The following PKD1 variants were observed in gnomAD, a reference collection of about 807,000 sequenced individuals.
The protein encoded by PKD1 is polycystin-1.
A neutral mutation model predicts 361.7 loss-of-function variants in PKD1; 81 were observed. The observed-to-expected ratio is 0.22, with a 90% confidence interval of 0.19 to 0.27. PKD1 has a LOEUF of 0.27. PKD1 is among the 10% of genes least tolerant of loss of function. The probability of loss-of-function intolerance (pLI) is 1.00; values close to 1 mark genes in which losing one functional copy is unlikely to be tolerated. For missense variants in PKD1, 6,399 were observed against 6,118.3 expected (o/e 1.05, Z -1.53); for synonymous variants, 3,615 against 2,818.3 (o/e 1.28, Z -8.95).
rs1395980770 is a variant in PKD1, at chr16:2,107,498, G to C, written c.7065+385C>G. ...ACAGCAGCAGGAGCAGCCACCACGG[G>C]CTCAGGGTCACCAAGCCTCCTGGCC... On this transcript the variant is annotated intron_variant, in intron 16 of 45. Coordinates refer to ENST00000262304, the MANE Select transcript of PKD1 (RefSeq NM_001009944.3). 1.0e-5 allele frequency: 4 copies of C among 385,022 alleles called. No homozygotes were observed. The East Asian group carries it at 2.5e-4, about 24-fold the overall frequency. The allele number at this position is 385,022 out of a possible 1,614,324, so 23.9% of individuals were successfully genotyped here.
rs755883195 is a variant in PKD1 at position 2,100,001 on chromosome 16, G to A, written c.9783C>T (p.His3261=). 4 of 1,568,840 alleles carry A rather than the reference G, an allele frequency of 2.5e-6. No homozygotes were observed. The highest frequency in any genetic ancestry group is 1.9e-5 in the Admixed American group (1 of 53,100). The change falls in exon 29 of 46, where the codon CAC becomes CAT. Residue 3261 remains histidine (H), a synonymous_variant. Coordinates refer to ENST00000262304, the MANE Select transcript of PKD1 (RefSeq NM_001009944.3). The surrounding 1 kb of genome is among the most constrained non-coding windows in gnomAD (Gnocchi z 4.4). The stretch of plus-strand genomic sequence containing the variant: ...GCCGGTCCCATATGGAGAGCCAGAT[G>A]TGCTTGTCAAAGAAGCCACGCTGCA... The part of the protein sequence containing the change: ...AELQRGFFDK[H]IWLSIWDRPP...
chr16:2,099,396 G>C (rs559694712), intron 30 of PKD1: 5 of 567,944 alleles, frequency 8.8e-6, no homozygotes, highest in Non-Finnish European at 1.6e-5. Context: ...CTGGCGTGCT[G>C]CTGTGCAGTC....
At position 2,090,402 on chromosome 16, in the gene PKD1, G is replaced by C. The variant is rs1204993626; in HGVS notation, c.12327C>G (p.Arg4109=). ...ACAGCTCTCCACGCAAGGCGTGGTA[G>C]CGCCAGCGGAGAATAACAGCCCCCA... ...LRLGAVILRW[R]YHALRGELYR... is the part of the protein sequence containing the mutation. Residue 4109 remains arginine, a synonymous_variant, in exon 45 of 46, where the codon CGC becomes CGG. Transcript: ENST00000262304. The C allele has an allele frequency of 3.1e-6, 5 of 1,612,564 alleles. No homozygotes were observed. The South Asian group carries it at 3.3e-5, about 11-fold the overall frequency.
chr16:2,122,821 C>A (rs1250802220), intron 1 of PKD1, among the ~76,000 whole-genome samples: 1 of 152,192 alleles, frequency 6.6e-6, no homozygotes, highest in African/African-American at 2.4e-5. Context: ...TGAACACAGG[C>A]AGGCCCCCTG....
Position 2,111,488 on chromosome 16 carries a change from C to A in PKD1, c.3679G>T (p.Ala1227Ser), listed in dbSNP as rs150710956. Reference protein sequence around the residue: ...VDMSLAVEQGAPVVVSAAVQT... With the variant: ...VDMSLAVEQGSPVVVSAAVQT... Reference sequence around the variant, plus strand: ...ACCGCGGCGCTGACCACCACGGGGGCGCCCTGCTCCACGGCCAGGCTCATG... The same window carrying A: ...ACCGCGGCGCTGACCACCACGGGGGAGCCCTGCTCCACGGCCAGGCTCATG... Residue 1227 changes from alanine to serine, a missense_variant, in exon 15 of 46, where the codon GCC (alanine) becomes TCC (serine). Transcript: ENST00000262304. 5.9e-4 allele frequency: 952 copies of A among 1,611,214 alleles called. 2 individuals are homozygous for A. Among genetic ancestry groups the A allele is most frequent in the Non-Finnish European group, 6.7e-4 (793 of 1,179,350 alleles).
At position 2,100,051 on chromosome 16, in the gene PKD1, A is replaced by C. The variant is rs1487596694; in HGVS notation, c.9733T>G (p.Phe3245Val). 3 of 1,593,636 alleles carry C rather than the reference A, an allele frequency of 1.9e-6. No individual in the cohort carries two copies. The highest frequency in any genetic ancestry group is 3.5e-5 in the Admixed American group (2 of 56,584). ...LAASDAALLR[F>V]RRLLVAELQR... ...AGCTCAGCCACCAGCAGGCGCCGGA[A>C]GCGCAAAAGGGCTGCGTCGCCTAGA... Residue 3245 changes from phenylalanine to valine, a missense_variant, in exon 29 of 46, where the codon TTC (phenylalanine) becomes GTC (valine). Coordinates refer to ENST00000262304, the MANE Select transcript of PKD1 (RefSeq NM_001009944.3). The surrounding 1 kb of genome is among the most constrained non-coding windows in gnomAD (Gnocchi z 4.4).
intron 43 of PKD1, 37 bp from the exon 44 acceptor site, chr16:2,090,845 G>C: frequency 6.2e-7 from 1 of 1,610,422 alleles, no homozygotes. Context: ...CAGCCCTGGG[G>C]TGTGCGCCCA....
In PKD1 at chr16:2,117,773, T is replaced by C; in HGVS notation, c.1201+18A>G. Reference sequence around the variant, plus strand: ...GGATGGCCCTGGGGAGGAAGGGGAGTGGGCAGCAGACACTCACCTCGGGCC... The same window carrying C: ...GGATGGCCCTGGGGAGGAAGGGGAGCGGGCAGCAGACACTCACCTCGGGCC... On this transcript the variant is annotated intron_variant, in intron 5 of 45. Coordinates refer to ENST00000262304, the MANE Select transcript of PKD1 (RefSeq NM_001009944.3). The C allele has an allele frequency of 9.4e-7, 1 of 1,058,432 alleles. No individual in the cohort carries two copies. The highest frequency in any genetic ancestry group is 1.4e-6 in the Non-Finnish European group (1 of 700,642). 65.6% of individuals were successfully genotyped at this position (1,058,432 alleles called of 1,614,324 possible).
In PKD1 at chr16:2,119,321, C is replaced by T. The variant is rs1032918097; in HGVS notation, c.273G>A (p.Ser91=). 13 of 1,308,878 alleles carry T rather than the reference C, an allele frequency of 9.9e-6. No homozygotes were observed. The highest frequency in any genetic ancestry group is 7.9e-5 in the Admixed American group (4 of 50,760). The allele number at this position is 1,308,878 out of a possible 1,614,324, so 81.1% of individuals were successfully genotyped here. Residue 91 remains serine (S), a synonymous_variant, in exon 2 of 46, where the codon TCG becomes TCA. Coordinates refer to ENST00000262304, the MANE Select transcript of PKD1 (RefSeq NM_001009944.3). ...GGGACACTCACAGCTCTGCCAGCGC[C>T]GAGAGGTTCGCCAGGAGCCCAACGT... is the stretch of plus-strand genomic sequence containing the variant. ...ALDVGLLANL[S]ALAELDISNN... is the part of the protein sequence containing the mutation.
At chr16:2,133,246 G>T (rs969937853) in intron 1 of PKD1, 1 of 149,038 alleles carries the variant, frequency 6.7e-6, no homozygotes, top group African/African-American at 2.5e-5. Context: ...TTTGCAGTAC[G>T]CCATCTTTTC....
At position 2,093,521 on chromosome 16, in the gene PKD1, G is replaced by A. The variant is rs764675017; in HGVS notation, c.11016+23C>T. 19 of 1,579,718 alleles carry A rather than the reference G, an allele frequency of 1.2e-5. No homozygotes were observed. In the Admixed American group the frequency reaches 2.5e-4, roughly 21 times the overall value. ...GAGACAAGAGACGGAGGTGGCAGGGGCACAGGCCGCACCCAGGCTCACCCG... is the reference window on the plus strand; with the variant it reads ...GAGACAAGAGACGGAGGTGGCAGGGACACAGGCCGCACCCAGGCTCACCCG... On this transcript the variant is annotated intron_variant, in intron 37 of 45. Coordinates refer to ENST00000262304, the MANE Select transcript of PKD1 (RefSeq NM_001009944.3).
At chr16:2,094,582 A>C in intron 34 of PKD1, 3 of 348,992 alleles carry the variant, frequency 8.6e-6, no homozygotes, top group Non-Finnish European at 1.1e-5. Flanking sequence ...CATCTCTACA[A>C]TCTAGAGACG....
At position 2,116,868 on chromosome 16, in the gene PKD1, G is replaced by A. The variant is rs1474279745; in HGVS notation, c.1571C>T (p.Ala524Val). 11 of 1,531,446 alleles carry A rather than the reference G, an allele frequency of 7.2e-6. No individual in the cohort carries two copies. The highest frequency in any genetic ancestry group is 2.7e-5 in the African/African-American group (2 of 73,056). 94.9% of individuals were successfully genotyped at this position (1,531,446 alleles called of 1,614,324 possible). A position where few individuals can be genotyped will look rare whatever the true frequency, so the allele number is the denominator to read the frequency against. ...TGWCNTDLCSAPHSYVCELQP... is the reference protein window; with the variant it reads ...TGWCNTDLCSVPHSYVCELQP... ...CAGCTCGCAGACGTAGCTGTGCGGC[G>A]CTGAGCACAGGTCGGTGTTACACCA... Residue 524 changes from alanine (A) to valine (V), a missense_variant, in exon 7 of 46, where the codon GCG becomes GTG. Physicochemically the swap from Ala to Val is moderately conservative, Grantham distance 64. Coordinates refer to ENST00000262304, the MANE Select transcript of PKD1 (RefSeq NM_001009944.3).
Position 2,114,493 on chromosome 16 carries a change from C to A in PKD1, c.2530G>T (p.Ala844Ser). 6.3e-7 allele frequency: 1 copy of A among 1,596,380 alleles called. No homozygotes were observed. The highest frequency in any genetic ancestry group is 1.3e-5 in the African/African-American group (1 of 74,974). ...CCAGAGTCCACCTGGAGCACCAAGG[C>A]TGAGCCGTTGGTGGGCACGTAGAGG... ...GRLYVPTNGS[A>S]LVLQVDSGAN... Residue 844 changes from alanine (A) to serine (S), a missense_variant, in exon 11 of 46, where the codon GCC becomes TCC. By Grantham distance (99) the Ala-to-Ser change is moderately conservative. Transcript: ENST00000262304.
At position 2,108,244 on chromosome 16, in the gene PKD1, G is replaced by A. The variant is rs769074670; in HGVS notation, c.6915+8C>T. 14 of 1,594,088 alleles carry A rather than the reference G, an allele frequency of 8.8e-6. No individual in the cohort carries two copies. Among genetic ancestry groups the A allele is most frequent in the East Asian group, 4.5e-5 (2 of 44,562 alleles). On this transcript the variant is annotated splice_region_variant and intron_variant, in intron 15 of 45. Coordinates refer to ENST00000262304, the MANE Select transcript of PKD1 (RefSeq NM_001009944.3). ...GGGGCATGGAGGACGGCCCTGCCAC[G>A]CACTGACCTGTGTCGAAGCCACACA... is the stretch of plus-strand genomic sequence containing the variant.
In PKD1 at chr16:2,108,458, C is replaced by G. The variant is rs776327056; in HGVS notation, c.6709G>C (p.Gly2237Arg). 4 of 1,610,300 alleles carry G rather than the reference C, an allele frequency of 2.5e-6. No individual in the cohort carries two copies. The East Asian group carries it at 6.7e-5, about 27-fold the overall frequency. ...HYCFVFVVSFGDTPLTQSIQA... is the reference protein window; with the variant it reads ...HYCFVFVVSFRDTPLTQSIQA... ...ATGCTCTGTGTCAGTGGCGTGTCCC[C>G]AAATGACACGACAAACACAAAGCAG... is the stretch of plus-strand genomic sequence containing the variant. Residue 2237 changes from glycine (G) to arginine (R), a missense_variant, in exon 15 of 46, where the codon GGG becomes CGG. Transcript: ENST00000262304.
At position 2,112,111 on chromosome 16, in the gene PKD1, G is replaced by C. The variant is rs1221272756; in HGVS notation, c.3295+229C>G. 4.6e-5 allele frequency among the ~76,000 whole-genome samples: 7 copies of C among 152,366 alleles called. No individual in the cohort carries two copies. In the East Asian group the frequency reaches 1.4e-3, roughly 29 times the overall value. On this transcript the variant is annotated intron_variant, in intron 14 of 45. Coordinates refer to ENST00000262304, the MANE Select transcript of PKD1 (RefSeq NM_001009944.3). ...TGCACTCGGGGCAGCAGAGCAGCAA[G>C]AGCCAGGCCCGGGGAGGGCGGGGGG...
At position 2,105,199 on chromosome 16, in the gene PKD1, T is replaced by G. The variant is rs879197199; in HGVS notation, c.8016+123A>C. The G allele has an allele frequency of 1.4e-4, 129 of 917,454 alleles. 1 individual carries two copies. The highest frequency in any genetic ancestry group is 9.8e-4 in the Middle Eastern group (3 of 3,058). The allele number at this position is 917,454 out of a possible 1,614,324, so 56.8% of individuals were successfully genotyped here. On this transcript the variant is annotated intron_variant, in intron 21 of 45. Transcript: ENST00000262304. ...GCAGGTCAGAGACCGAGGAACGCCA[T>G]GGCAGGAAGGAGCCCAGGCTGGAGG... is the stretch of plus-strand genomic sequence containing the variant.
At chr16:2,119,526 T>C in intron 1 of PKD1, 148 bp from the exon 2 acceptor site, 1 of 702,460 alleles carries the variant, frequency 1.4e-6, no homozygotes, top group East Asian at 2.7e-5. Flanking sequence ...GGGGACTTTC[T>C]GATGGAAGAC....
Sources: allele counts gnomAD v4.1 joint callset (sites outside exome capture counted in the v4.1 genomes callset), GRCh38; gene constraint gnomAD v4.1.1; non-coding constraint Gnocchi (gnomAD v3.1); transcripts MANE v1.5; gene names NCBI Gene and HGNC (gene_info 2026-07-23, HGNC 2026-07-21).